Variants in ST7 observed in about 807,000 individuals in gnomAD.
ST7 encodes the protein suppressor of tumorigenicity 7 protein.
A neutral mutation model predicts 78.7 loss-of-function variants in ST7; 28 were observed. The ratio of observed to expected loss-of-function variants is 0.36; its 90% CI spans 0.26 to 0.49. The LOEUF (loss-of-function observed/expected upper bound fraction) is 0.49, where lower values mean the gene tolerates loss of function less well. Among genes scored for constraint, ST7 ranks in the 20% least tolerant of loss-of-function variants. ST7 has a pLI of 0.99. For missense variants in ST7, 418 were observed against 696.0 expected (o/e 0.60, Z 4.49); for synonymous variants, 247 against 249.6 (o/e 0.99, Z 0.10).
In ST7 at chr7:117,132,003, C is replaced by G. The variant is rs779639806; in HGVS notation, c.641+43C>G. The G allele has an allele frequency of 5.8e-6, 9 of 1,561,104 alleles. No individual in the cohort carries two copies. In the Admixed American group the frequency reaches 1.5e-4, roughly 26 times the overall value. ...TTGCTGTTAAAAAGGAAATCTCATC[C>G]TTTGCTGAATATATTCAGTTGCCAT... On this transcript the variant is annotated intron_variant, in intron 6 of 15. Coordinates refer to ENST00000323984, the MANE Select transcript of ST7 (RefSeq NM_001369598.1).
chr7:117,147,710 C>G (rs1368771490), intron 9 of ST7, among the ~76,000 whole-genome samples: 2 of 151,622 alleles, frequency 1.3e-5, no homozygotes, highest in Non-Finnish European at 2.9e-5. Context: ...TTTTTCTTTC[C>G]ATATTTGTAT....
intron 1 of ST7, among the ~76,000 whole-genome samples, chr7:117,055,992 C>T (rs1226308229): frequency 6.6e-6 from 1 of 152,160 alleles, no homozygotes; most frequent in Non-Finnish European, 1.5e-5. Flanking sequence ...AGGAAGCATC[C>T]AGCTTCCTGA....
At chr7:117,111,893 C>G (rs1287347426) in intron 2 of ST7, among the ~76,000 whole-genome samples, 5 of 152,094 alleles carry the variant, frequency 3.3e-5, no homozygotes, top group Non-Finnish European at 4.4e-5. Flanking sequence ...AAATGCTCCC[C>G]TTAATTATCT....
chr7:117,219,003 A>G lies in ST7; in HGVS notation c.1406-81A>G. ...TGTAGAAGTGTTCCCTGTTATAAAA[A>G]TGCTCAAACGCCCCTTTTTGCAGTT... On this transcript the variant is annotated intron_variant, in intron 13 of 15. Coordinates refer to ENST00000323984, the MANE Select transcript of ST7 (RefSeq NM_001369598.1). The surrounding 1 kb of genome is among the most constrained non-coding windows in gnomAD (Gnocchi z 5.1). 1.0e-5 allele frequency: 11 copies of G among 1,098,404 alleles called. No individual in the cohort carries two copies. The highest frequency in any genetic ancestry group is 1.5e-5 in the Non-Finnish European group (11 of 738,064). The allele number at this position is 1,098,404 out of a possible 1,614,324, so 68.0% of individuals were successfully genotyped here. A position where few individuals can be genotyped will look rare whatever the true frequency, so the allele number is the denominator to read the frequency against.
At chr7:117,215,682 T>C (rs1792636077) in intron 13 of ST7, among the ~76,000 whole-genome samples, 1 of 152,230 alleles carries the variant, frequency 6.6e-6, no homozygotes, top group Non-Finnish European at 1.5e-5. Flanking sequence ...TTCTCCATTA[T>C]GTACACACAG....
At chr7:117,070,516 A>G (rs565822235) in intron 1 of ST7, among the ~76,000 whole-genome samples, 1 of 151,600 alleles carries the variant, frequency 6.6e-6, no homozygotes, top group South Asian at 2.1e-4. Flanking sequence ...TTGCACAACC[A>G]TGTGAGCATA....
intron 1 of ST7, chr7:116,972,236 A>G: frequency 1.9e-6 from 1 of 533,690 alleles, no homozygotes; most frequent in Non-Finnish European, 3.6e-6. Context: ...CCTTTGGTGC[A>G]TTTGAGTTTA....
chr7:117,073,661 C>A (rs905009021), intron 1 of ST7, among the ~76,000 whole-genome samples: 2 of 152,168 alleles, frequency 1.3e-5, no homozygotes, highest in Non-Finnish European at 2.9e-5. Flanking sequence ...CTTCTCTATA[C>A]CTGTTACCCC....
chr7:117,220,526 AAGTT>A (rs1310358035), intron 14 of ST7, among the ~76,000 whole-genome samples: 2 of 152,204 alleles, frequency 1.3e-5, no homozygotes, highest in African/African-American at 2.4e-5. Context: ...GAGTCCAATT[AAGTT>A]TCCATGGGGA....
At chr7:116,999,807 T>TG (rs2069149278) in intron 1 of ST7, among the ~76,000 whole-genome samples, 1 of 78,526 alleles carries the variant, frequency 1.3e-5, no homozygotes, top group Non-Finnish European at 2.4e-5. Flanking sequence ...GAATTTTCTT[T>TG]CTTTTTTTTT....
intron 1 of ST7, among the ~76,000 whole-genome samples, chr7:117,086,734 TACCCGTA>T (rs1404127363): frequency 6.6e-6 from 1 of 152,212 alleles, no homozygotes; most frequent in Non-Finnish European, 1.5e-5. Flanking sequence ...CACCGACTGT[TACCCGTA>T]GACATTACGT....
At chr7:117,008,681 A>G (rs1445273525) in intron 1 of ST7, among the ~76,000 whole-genome samples, 2 of 152,134 alleles carry the variant, frequency 1.3e-5, no homozygotes, top group Non-Finnish European at 2.9e-5. Flanking sequence ...ACTTTTCTTG[A>G]ATTTCTGACC....
chr7:117,129,785 T>G lies in ST7; in HGVS notation c.395-8T>G, dbSNP rs1246238598. On this transcript the variant is annotated splice_region_variant and splice_polypyrimidine_tract_variant and intron_variant, in intron 3 of 15. Coordinates refer to ENST00000323984, the MANE Select transcript of ST7 (RefSeq NM_001369598.1). ...CGCGTAACATTTTCATATTTCTCTT[T>G]GTTGCAGAATGCAAAGTATGGCGAA... The G allele has an allele frequency of 1.1e-5, 18 of 1,608,572 alleles. No individual in the cohort carries two copies. Among genetic ancestry groups the G allele is most frequent in the South Asian group, 4.4e-5 (4 of 90,532 alleles).
chr7:117,053,842 A>T (rs1797919339), intron 1 of ST7, among the ~76,000 whole-genome samples: 1 of 96,746 alleles, frequency 1.0e-5, no homozygotes, highest in Non-Finnish European at 2.0e-5. Context: ...AGAACAGAGG[A>T]CTAGACGGTT....
intron 2 of ST7, among the ~76,000 whole-genome samples, chr7:117,114,727 G>A (rs1802718208): frequency 6.6e-6 from 1 of 152,180 alleles, no homozygotes; most frequent in Non-Finnish European, 1.5e-5. Context: ...CCTGACACAT[G>A]GAGTGTTTTA....
intron 3 of ST7, among the ~76,000 whole-genome samples, chr7:117,123,282 A>G (rs3808220): frequency 0.059 from 8,911 of 152,250 alleles, 361 homozygotes; most frequent in East Asian, 0.14. Flanking sequence ...TTTGTTTTGA[A>G]TAAAAGCTGA....
intron 1 of ST7, among the ~76,000 whole-genome samples, chr7:117,014,670 A>G (rs938279682): frequency 6.6e-6 from 1 of 152,232 alleles, no homozygotes; most frequent in Non-Finnish European, 1.5e-5. Flanking sequence ...TTTCACTTAC[A>G]GGAATAAAAT....
At chr7:117,178,445 C>T (rs941053419) in intron 10 of ST7, among the ~76,000 whole-genome samples, 1 of 152,136 alleles carries the variant, frequency 6.6e-6, no homozygotes, top group Non-Finnish European at 1.5e-5. Flanking sequence ...ACTCATGCCC[C>T]CCTACTTTCA....
At chr7:117,110,917 A>G (rs562544446) in intron 2 of ST7, among the ~76,000 whole-genome samples, 7 of 152,318 alleles carry the variant, frequency 4.6e-5, no homozygotes, top group South Asian at 2.1e-4. Context: ...GTCTTGCAGC[A>G]TTCTCAGGAA....
Sources: allele counts gnomAD v4.1 joint callset (sites outside exome capture counted in the v4.1 genomes callset), GRCh38; gene constraint gnomAD v4.1.1; non-coding constraint Gnocchi (gnomAD v3.1); transcripts MANE v1.5; gene names NCBI Gene and HGNC (gene_info 2026-07-23, HGNC 2026-07-21).